Variants in CACNA2D3 observed in about 807,000 individuals in gnomAD.
CACNA2D3 encodes the protein voltage-dependent calcium channel subunit alpha-2/delta-3.
In CACNA2D3, 60 loss-of-function variants were observed where a neutral mutation model predicts 160.6. The ratio of observed to expected loss-of-function variants is 0.37; its 90% CI spans 0.30 to 0.46. CACNA2D3 has a LOEUF of 0.46. Among genes scored for constraint, CACNA2D3 ranks in the 20% least tolerant of loss-of-function variants. The probability of loss-of-function intolerance (pLI) is 1.00; values close to 1 mark genes in which losing one functional copy is unlikely to be tolerated. For missense variants in CACNA2D3, 1,205 were observed against 1,365.0 expected, an observed-to-expected ratio of 0.88 and a Z score of 1.85; for synonymous variants, 558 against 492.9, an observed-to-expected ratio of 1.13 and a Z score of -1.75.
intron 17 of CACNA2D3, among the ~76,000 whole-genome samples, chr3:54,860,505 C>G (rs1195707985): frequency 6.6e-6 from 1 of 152,074 alleles, no homozygotes; most frequent in Non-Finnish European, 1.5e-5. Context: ...GTTAATGAAG[C>G]CCATGTTTAT....
intron 27 of CACNA2D3, among the ~76,000 whole-genome samples, chr3:54,952,518 C>T (rs890290447): frequency 1.3e-5 from 2 of 152,160 alleles, no homozygotes. Context: ...TGTGGACTTA[C>T]CAATCTCATA....
chr3:55,050,172 T>G (rs1704163954), intron 35 of CACNA2D3, among the ~76,000 whole-genome samples: 1 of 150,838 alleles, frequency 6.6e-6, no homozygotes, highest in Non-Finnish European at 1.5e-5. Context: ...ATTTTGCTCA[T>G]TAGTTGATGC....
At chr3:54,354,824 C>T (rs1698621699) in intron 3 of CACNA2D3, among the ~76,000 whole-genome samples, 1 of 152,176 alleles carries the variant, frequency 6.6e-6, no homozygotes, top group Non-Finnish European at 1.5e-5. Flanking sequence ...TTTTGTACAG[C>T]ACAGTCTCTA....
intron 13 of CACNA2D3, among the ~76,000 whole-genome samples, chr3:54,793,273 C>G (rs1335468610): frequency 2.0e-5 from 3 of 152,236 alleles, no homozygotes; most frequent in African/African-American, 7.2e-5. Context: ...CCGATATCTC[C>G]TGTGAGAAGT....
chr3:54,918,264 A>G (rs1700711957), intron 27 of CACNA2D3: 1 of 587,348 alleles, frequency 1.7e-6, no homozygotes, highest in African/African-American at 1.9e-5. Context: ...TTTTACCTAT[A>G]GTATTTTAAA....
At chr3:55,056,617 T>C (rs1037139005) in intron 35 of CACNA2D3, among the ~76,000 whole-genome samples, 1 of 152,178 alleles carries the variant, frequency 6.6e-6, no homozygotes, top group Admixed American at 6.5e-5. Context: ...TGGAATACTA[T>C]TTGGCATTAA....
At chr3:54,262,858 G>C (rs942378452) in intron 2 of CACNA2D3, among the ~76,000 whole-genome samples, 1 of 152,034 alleles carries the variant, frequency 6.6e-6, no homozygotes. Context: ...TTTCCTTTTT[G>C]TTTTTATGTT....
chr3:54,972,396 C>A (rs1156788745), intron 29 of CACNA2D3, among the ~76,000 whole-genome samples: 2 of 152,172 alleles, frequency 1.3e-5, no homozygotes, highest in Non-Finnish European at 2.9e-5. Flanking sequence ...GCCTTCTCAC[C>A]AAGGCCCCTT....
chr3:54,143,211 A>G (rs558360809), intron 2 of CACNA2D3, among the ~76,000 whole-genome samples: 2 of 152,308 alleles, frequency 1.3e-5, no homozygotes, highest in South Asian at 2.1e-4. Flanking sequence ...TTGTCATGTA[A>G]GTGGCTTCCC....
intron 2 of CACNA2D3, among the ~76,000 whole-genome samples, chr3:54,170,602 C>T (rs1289582994): frequency 6.6e-6 from 1 of 152,148 alleles, no homozygotes; most frequent in Non-Finnish European, 1.5e-5. Context: ...AGAAATCTCC[C>T]TTCCTCCCTG....
intron 2 of CACNA2D3, among the ~76,000 whole-genome samples, chr3:54,304,873 G>A (rs1396959173): frequency 6.6e-6 from 1 of 151,756 alleles, no homozygotes; most frequent in Non-Finnish European, 1.5e-5. Context: ...ACCCAGGCAC[G>A]ATTGGAATTT....
At chr3:55,065,317 C>T (rs1279180221) in intron 35 of CACNA2D3, among the ~76,000 whole-genome samples, 1 of 152,130 alleles carries the variant, frequency 6.6e-6, no homozygotes, top group Non-Finnish European at 1.5e-5. Context: ...GACAAAGTGA[C>T]ACCATGCACC....
At chr3:54,277,964 A>G (rs1330107827) in intron 2 of CACNA2D3, among the ~76,000 whole-genome samples, 2 of 152,162 alleles carry the variant, frequency 1.3e-5, no homozygotes, top group African/African-American at 4.8e-5. Flanking sequence ...ACCAAAAGCA[A>G]TGGCAACAAA....
chr3:54,577,442 T>A (rs1476885443), intron 8 of CACNA2D3, among the ~76,000 whole-genome samples: 1 of 152,160 alleles, frequency 6.6e-6, no homozygotes, highest in African/African-American at 2.4e-5. Flanking sequence ...TGACATGGCA[T>A]CTTATCCCCA....
At chr3:55,024,547 A>G (rs761137574) in intron 35 of CACNA2D3, among the ~76,000 whole-genome samples, 1 of 152,134 alleles carries the variant, frequency 6.6e-6, no homozygotes, top group East Asian at 1.9e-4. Flanking sequence ...TTGACCTTCC[A>G]TCATGTAAAG....
chr3:54,940,852 A>C (rs1260654728), intron 27 of CACNA2D3, among the ~76,000 whole-genome samples: 1 of 152,212 alleles, frequency 6.6e-6, no homozygotes, highest in Non-Finnish European at 1.5e-5. Flanking sequence ...ATGGACAATG[A>C]GTTCACCTCC....
chr3:54,157,835 C>CAAAAAAAAA (rs5849032), intron 2 of CACNA2D3, among the ~76,000 whole-genome samples: 1 of 134,348 alleles, frequency 7.4e-6, no homozygotes, highest in Non-Finnish European at 1.7e-5. Flanking sequence ...CCCAACCAAA[C>CAAAAAAAAA]AAAAAAAAAA....
chr3:54,589,332 C>T (rs1472696593), intron 9 of CACNA2D3, among the ~76,000 whole-genome samples: 1 of 151,622 alleles, frequency 6.6e-6, no homozygotes, highest in African/African-American at 2.4e-5. Context: ...CAAAAACAAA[C>T]AAAAAACAAC....
At chr3:54,178,088 G>A (rs1218054098) in intron 2 of CACNA2D3, among the ~76,000 whole-genome samples, 1 of 152,112 alleles carries the variant, frequency 6.6e-6, no homozygotes, top group Non-Finnish European at 1.5e-5. Context: ...AAGGTAAAAA[G>A]GAGTCTGTAA....
Sources: gnomAD v4.1 joint callset for allele counts (sites outside exome capture counted in the v4.1 genomes callset) on GRCh38, gnomAD v4.1.1 for gene constraint, MANE v1.5 for transcripts, NCBI Gene and HGNC (gene_info 2026-07-23, HGNC 2026-07-21) for gene names.